TMEM178B: variants seen among roughly 807,000 people sequenced by gnomAD.
TMEM178B encodes the protein transmembrane protein 178B.
In TMEM178B, 5 loss-of-function variants were observed where a neutral mutation model predicts 31.0. The observed-to-expected ratio is 0.16, with a 90% CI of 0.08 to 0.34. TMEM178B has a LOEUF of 0.34. Ranked by LOEUF, TMEM178B falls within the 10% of genes least tolerant of loss-of-function variation. The pLI is 1.00. For synonymous variants in TMEM178B, 164 were observed against 164.0 expected (o/e 1.00, Z 0.00); for missense variants, 275 against 400.3 (o/e 0.69, Z 2.67).
chr7:141,286,335 T>G (rs773386232), intron 2 of TMEM178B, among the ~76,000 whole-genome samples: 4 of 152,194 alleles, frequency 2.6e-5, no homozygotes, highest in Non-Finnish European at 5.9e-5. Context: ...TGAAATGGCT[T>G]AGATAAATTC....
At chr7:141,094,705 G>A (rs2129172719) in intron 1 of TMEM178B, among the ~76,000 whole-genome samples, 1 of 152,290 alleles carries the variant, frequency 6.6e-6, no homozygotes, top group East Asian at 1.9e-4. Flanking sequence ...TTAGCCAATG[G>A]TTTCTGCAGT....
At chr7:141,361,064 G>T (rs2116546794) in intron 2 of TMEM178B, among the ~76,000 whole-genome samples, 1 of 152,286 alleles carries the variant, frequency 6.6e-6, no homozygotes, top group East Asian at 1.9e-4. Flanking sequence ...AAAGCATTAA[G>T]CCAGGAAAGG....
chr7:141,194,658 C>A (rs1256253273), intron 1 of TMEM178B, among the ~76,000 whole-genome samples: 1 of 152,144 alleles, frequency 6.6e-6, no homozygotes, highest in Non-Finnish European at 1.5e-5. Flanking sequence ...ATCTACTATT[C>A]TGGGTTCTGG....
intron 1 of TMEM178B, among the ~76,000 whole-genome samples, chr7:141,079,188 G>T (rs967073566): frequency 2.0e-5 from 3 of 152,190 alleles, no homozygotes; most frequent in Non-Finnish European, 4.4e-5. Flanking sequence ...TCAGGAGGCT[G>T]AGGCAGGAGA....
At chr7:141,434,893 C>T (rs1205949715) in intron 2 of TMEM178B, among the ~76,000 whole-genome samples, 2 of 152,214 alleles carry the variant, frequency 1.3e-5, no homozygotes, top group Non-Finnish European at 2.9e-5. Flanking sequence ...TTTCACTTGA[C>T]ATAATGACCT....
chr7:141,167,615 C>T (rs997048041), intron 1 of TMEM178B, among the ~76,000 whole-genome samples: 2 of 152,188 alleles, frequency 1.3e-5, no homozygotes, highest in Non-Finnish European at 2.9e-5. Context: ...TCTGATGTGC[C>T]CTCTCACAAA....
intron 2 of TMEM178B, among the ~76,000 whole-genome samples, chr7:141,393,343 T>C (rs753466439): frequency 2.0e-5 from 3 of 152,144 alleles, no homozygotes; most frequent in African/African-American, 7.2e-5. Flanking sequence ...TATAAAGCAC[T>C]TGAAACCAGG....
the TMEM178B span, among the ~76,000 whole-genome samples, chr7:141,492,793 CTCTCTCTT>C: frequency 1.3e-5 from 2 of 152,210 alleles, no homozygotes; most frequent in Non-Finnish European, 2.9e-5. Context: ...CCTGACTCCT[CTCTCTCTT>C]GTCCCCAGTG....
intron 1 of TMEM178B, among the ~76,000 whole-genome samples, chr7:141,076,178 G>GGGAGTCCAGA (rs1414692126): frequency 2.0e-5 from 3 of 152,142 alleles, no homozygotes; most frequent in Non-Finnish European, 4.4e-5. Flanking sequence ...AGAATATTAG[G>GGGAGTCCAGA]GGAGTCCAGA....
chr7:141,452,959 A>G (rs1801895126), intron 3 of TMEM178B, among the ~76,000 whole-genome samples: 1 of 152,242 alleles, frequency 6.6e-6, no homozygotes. Context: ...AGACAGGCCC[A>G]TGAACCACAG....
At chr7:141,370,635 G>A (rs554237565) in intron 2 of TMEM178B, among the ~76,000 whole-genome samples, 2 of 152,340 alleles carry the variant, frequency 1.3e-5, no homozygotes, top group East Asian at 3.9e-4. Flanking sequence ...CTTGGAGGAA[G>A]AAAGAGATTT....
chr7:141,215,337 A>ATTATTTTTTTTTTTTTT (rs55726735), intron 2 of TMEM178B, among the ~76,000 whole-genome samples: 85 of 141,552 alleles, frequency 6.0e-4, no homozygotes, highest in Non-Finnish European at 1.0e-3. Context: ...TATTATTATT[A>ATTATTTTTTTTTTTTTT]TTTTTTGAGA....
the TMEM178B span, among the ~76,000 whole-genome samples, chr7:141,497,449 C>G: frequency 7.2e-5 from 11 of 152,144 alleles, no homozygotes; most frequent in Non-Finnish European, 8.8e-5. Context: ...CTTTGTTACC[C>G]CCTTTGGGCT....
At chr7:141,506,274 C>T in the TMEM178B span, among the ~76,000 whole-genome samples, 2 of 152,232 alleles carry the variant, frequency 1.3e-5, no homozygotes, top group Non-Finnish European at 2.9e-5. Context: ...GCAATGCCTG[C>T]TGATTTGAGA....
intron 2 of TMEM178B, among the ~76,000 whole-genome samples, chr7:141,351,493 A>T (rs1799721887): frequency 6.6e-6 from 1 of 152,222 alleles, no homozygotes; most frequent in Non-Finnish European, 1.5e-5. Flanking sequence ...GGACAAGGTT[A>T]CTTTTGCTGT....
At chr7:141,188,262 G>A (rs1209571841) in intron 1 of TMEM178B, among the ~76,000 whole-genome samples, 1 of 152,120 alleles carries the variant, frequency 6.6e-6, no homozygotes, top group Non-Finnish European at 1.5e-5. Flanking sequence ...AAGTAGGTAT[G>A]GGTTGAGCAT....
At chr7:141,348,891 G>C (rs748861321) in intron 2 of TMEM178B, among the ~76,000 whole-genome samples, 10 of 152,202 alleles carry the variant, frequency 6.6e-5, no homozygotes, top group Non-Finnish European at 1.2e-4. Context: ...CCTGTTGAGA[G>C]TGACTGGCGG....
intron 2 of TMEM178B, among the ~76,000 whole-genome samples, chr7:141,293,399 T>TG: frequency 6.6e-6 from 1 of 152,322 alleles, no homozygotes; most frequent in Middle Eastern, 3.4e-3. Context: ...ACTTGGCTGT[T>TG]AAGACCCCTG....
At chr7:141,294,513 A>AG (rs1798597990) in intron 2 of TMEM178B, among the ~76,000 whole-genome samples, 2 of 152,228 alleles carry the variant, frequency 1.3e-5, no homozygotes, top group African/African-American at 4.8e-5. Flanking sequence ...AGTTAGGCTC[A>AG]GGGTGAGCAT....
Sources: allele counts gnomAD v4.1 joint callset (sites outside exome capture counted in the v4.1 genomes callset), GRCh38; gene constraint gnomAD v4.1.1; transcripts MANE v1.5; gene names NCBI Gene and HGNC (gene_info 2026-07-23, HGNC 2026-07-21).